The following CD6 variants were observed in gnomAD, a reference collection of about 807,000 sequenced individuals.
The protein encoded by CD6 is T-cell differentiation antigen CD6.
Under a neutral mutation model 75.3 loss-of-function variants are expected in CD6, and 53 were observed. The observed-to-expected ratio is 0.70, with a 90% CI of 0.56 to 0.88. The LOEUF (loss-of-function observed/expected upper bound fraction) is 0.88. Among genes scored for constraint, CD6 ranks in the 40% least tolerant of loss-of-function variants. The pLI, the probability that CD6 is intolerant of heterozygous loss-of-function variation, is 0.00. For synonymous variants in CD6, 359 were observed against 381.5 expected (o/e 0.94, Z 0.69); for missense variants, 770 against 897.1 (o/e 0.86, Z 1.81).
intron 1 of CD6, among the ~76,000 whole-genome samples, chr11:61,000,680 A>G (rs1858537612): frequency 6.6e-6 from 1 of 152,148 alleles, no homozygotes; most frequent in Non-Finnish European, 1.5e-5. Flanking sequence ...TTTCTCCACA[A>G]GTCCCTCACC....
At chr11:61,013,363 G>T (rs1239114202) in intron 6 of CD6, 60 bp from the exon 7 acceptor site, 49 of 1,585,982 alleles carry the variant, frequency 3.1e-5, no homozygotes, top group Non-Finnish European at 4.1e-5. Flanking sequence ...GAATGGAAAG[G>T]CAAGAAGAAG....
At chr11:61,012,006 G>C (rs1203504505) in intron 6 of CD6, among the ~76,000 whole-genome samples, 8 of 152,212 alleles carry the variant, frequency 5.3e-5, no homozygotes, top group Non-Finnish European at 1.0e-4. Context: ...TGAGTATTTA[G>C]TTCAGGCATT....
At chr11:61,016,018 C>T (rs1463327238) in intron 9 of CD6, among the ~76,000 whole-genome samples, 183 bp downstream of exon 9, 2 of 152,200 alleles carry the variant, frequency 1.3e-5, no homozygotes, top group Non-Finnish European at 2.9e-5. Flanking sequence ...GCTTTGTGAC[C>T]CTGGGGTCAT....
chr11:61,008,977 A>G, intron 4 of CD6, 132 bp downstream of exon 4: 1 of 749,402 alleles, frequency 1.3e-6, no homozygotes, highest in Non-Finnish European at 2.0e-6. Context: ...AGGGGAGATG[A>G]GACTGAGACA....
At chr11:61,014,241 G>T (rs1859297750) in intron 8 of CD6, among the ~76,000 whole-genome samples, 1 of 152,180 alleles carries the variant, frequency 6.6e-6, no homozygotes, top group Non-Finnish European at 1.5e-5. Flanking sequence ...AGAGTTTTGA[G>T]TTCTGGACAA....
chr11:60,981,451 C>G (rs1331764594), intron 1 of CD6, among the ~76,000 whole-genome samples: 2 of 152,206 alleles, frequency 1.3e-5, no homozygotes, highest in Non-Finnish European at 2.9e-5. Context: ...TTCACCTCAC[C>G]CACCATCAGC....
rs573362991 is a variant in CD6 at position 61,009,557 on chromosome 11, G to A, written c.782-15G>A. On this transcript the variant is annotated splice_polypyrimidine_tract_variant and intron_variant, in intron 4 of 12. Transcript: ENST00000313421. ...GGATTCTGACCTGACTCTGTCCCCT[G>A]CCCCTTCCCTGCAGAGCACCAGTCC... 380 of 1,581,150 alleles carry A rather than the reference G, an allele frequency of 2.4e-4. 6 individuals are homozygous for A. The South Asian group carries it at 4.1e-3, about 17-fold the overall frequency.
At chr11:61,018,732 C>T (rs1344785769) in intron 12 of CD6, 2 of 311,934 alleles carry the variant, frequency 6.4e-6, no homozygotes, top group African/African-American at 4.2e-5. Flanking sequence ...GTGGGAGGAT[C>T]GTGTGAGCCC....
intron 1 of CD6, among the ~76,000 whole-genome samples, chr11:60,990,752 CAATG>C (rs148481877): frequency 0.021 from 3,156 of 151,618 alleles, 66 homozygotes; most frequent in Non-Finnish European, 0.034. Context: ...TCTCCATACA[CAATG>C]GATGGTATTG....
At chr11:60,997,231 A>G (rs922067334) in intron 1 of CD6, among the ~76,000 whole-genome samples, 1 of 152,114 alleles carries the variant, frequency 6.6e-6, no homozygotes, top group Non-Finnish European at 1.5e-5. Flanking sequence ...TAAAAAAAGT[A>G]GCCAGGCATG....
chr11:60,971,875 T>G lies in CD6; in HGVS notation c.10T>G (p.Phe4Val). MWL[F>V]FGITGLLTAA... is the part of the protein sequence containing the mutation. ...AGAGACAGCTCCAGACATGTGGCTC[T>G]TCTTCGGGATCACTGGATTGCTGAC... The change falls in exon 1 of 13, where the codon TTC becomes GTC. Residue 4 changes from phenylalanine (F) to valine (V), a missense_variant. Coordinates refer to ENST00000313421, the MANE Select transcript of CD6 (RefSeq NM_006725.5). 6.2e-7 allele frequency: 1 copy of G among 1,614,014 alleles called. No homozygotes were observed. The highest frequency in any genetic ancestry group is 1.3e-5 in the African/African-American group (1 of 75,076).
intron 10 of CD6, 31 bp downstream of exon 10, chr11:61,017,581 C>T: frequency 6.4e-7 from 1 of 1,553,820 alleles, no homozygotes. Flanking sequence ...GTGTGAATGG[C>T]AGTCCCACCT....
intron 11 of CD6, 73 bp from the exon 12 acceptor site, chr11:61,018,215 TG>T: frequency 7.3e-7 from 1 of 1,371,074 alleles, no homozygotes; most frequent in Non-Finnish European, 9.9e-7. Context: ...GTGAGTCACG[TG>T]GGCCCCCCAG....
At position 60,975,543 on chromosome 11, in the gene CD6, G is replaced by A. The variant is rs1857332627; in HGVS notation, c.49+3629G>A. ...TGGTCTGGTGTGGTAGTTCACACCT[G>A]TAATCCCAGCACTTTGGGAGGCCAA... On this transcript the variant is annotated intron_variant, in intron 1 of 12. Transcript: ENST00000313421. Among the ~76,000 whole-genome samples, 3 of 152,160 alleles carry A rather than the reference G, an allele frequency of 2.0e-5. 1 individual carries two copies. The South Asian group carries it at 6.2e-4, about 32-fold the overall frequency.
chr11:61,007,799 A>T lies in CD6; in HGVS notation c.358A>T (p.Thr120Ser). The change falls in exon 3 of 13, where the codon ACT becomes TCT. Residue 120 changes from threonine (T) to serine (S), a missense_variant. Thr to Ser is a moderately conservative substitution (Grantham distance 58). Transcript: ENST00000313421. This position sits in a 1 kb window ranked among gnomAD's most constrained non-coding sequence, Gnocchi z 4.2. The part of the protein sequence containing the change: ...AGNTSVAANA[T>S]LAGAPALLCS... ...GAACACCAGCGTAGCAGCTAATGCC[A>T]CTCTGGCCGGGGCGCCCGCCCTCCT... 1 of 1,474,822 alleles carries T rather than the reference A, an allele frequency of 6.8e-7. No homozygotes were observed. The highest frequency in any genetic ancestry group is 9.0e-7 in the Non-Finnish European group (1 of 1,116,288). The allele number at this position is 1,474,822 out of a possible 1,614,324, so 91.4% of individuals were successfully genotyped here.
At chr11:60,990,284 G>T (rs1316777535) in intron 1 of CD6, among the ~76,000 whole-genome samples, 1 of 152,178 alleles carries the variant, frequency 6.6e-6, no homozygotes, top group Non-Finnish European at 1.5e-5. Context: ...GAGTGCAGTG[G>T]TGCAATCTCG....
chr11:60,974,835 T>C, intron 1 of CD6, among the ~76,000 whole-genome samples: 1 of 152,170 alleles, frequency 6.6e-6, no homozygotes, highest in East Asian at 1.9e-4. Context: ...TTCTCAGCCA[T>C]GTTTTCTCAT....
At chr11:60,999,822 G>A (rs1259208001) in intron 1 of CD6, among the ~76,000 whole-genome samples, 2 of 151,860 alleles carry the variant, frequency 1.3e-5, no homozygotes, top group African/African-American at 4.8e-5. Context: ...TGAGGTGGGC[G>A]GATCACTTGA....
chr11:60,975,837 T>C (rs1467672143), intron 1 of CD6, among the ~76,000 whole-genome samples: 3 of 152,202 alleles, frequency 2.0e-5, no homozygotes, highest in African/African-American at 7.2e-5. Context: ...TCCTGGAATA[T>C]TTAAAATTAC....
Sources: allele counts gnomAD v4.1 joint callset (sites outside exome capture counted in the v4.1 genomes callset), GRCh38; gene constraint gnomAD v4.1.1; non-coding constraint Gnocchi (gnomAD v3.1); transcripts MANE v1.5; gene names NCBI Gene and HGNC (gene_info 2026-07-23, HGNC 2026-07-21).